ADGRF1: variants seen among roughly 807,000 people sequenced by gnomAD.
The protein encoded by ADGRF1 is adhesion G protein-coupled receptor F1.
In ADGRF1, 85 loss-of-function variants were observed where a neutral mutation model predicts 87.2. The ratio of observed to expected loss-of-function variants is 0.97; its 90% CI spans 0.82 to 1.17. The LOEUF is 1.17. ADGRF1 is among the 50% of genes most tolerant of loss of function. The probability of loss-of-function intolerance (pLI) is 0.00; values close to 1 mark genes in which losing one functional copy is unlikely to be tolerated. For synonymous variants in ADGRF1, 430 were observed against 408.8 expected, an observed-to-expected ratio of 1.05 and a Z score of -0.63; for missense variants, 1,169 against 1,077.2, an observed-to-expected ratio of 1.09 and a Z score of -1.19.
chr6:47,018,630 A>G (rs371944283), intron 7 of ADGRF1: 6 of 1,286,712 alleles, frequency 4.7e-6, no homozygotes, highest in Non-Finnish European at 6.1e-6. Flanking sequence ...ATTTATTTTA[A>G]TCTGGGCATG....
intron 1 of ADGRF1, among the ~76,000 whole-genome samples, chr6:47,039,768 C>A (rs950431509): frequency 6.6e-6 from 1 of 151,700 alleles, no homozygotes; most frequent in Non-Finnish European, 1.5e-5. Flanking sequence ...TTGAGAAGAG[C>A]CCAGCCAATA....
chr6:47,029,201 G>C (rs1373325323), intron 1 of ADGRF1, 97 bp from the exon 2 acceptor site: 28 of 660,036 alleles, frequency 4.2e-5, no homozygotes, highest in Non-Finnish European at 7.3e-5. Flanking sequence ...TCACTGAGCT[G>C]ATCCGAACCC....
Position 47,009,245 on chromosome 6 carries a change from T to C in ADGRF1, c.2190A>G (p.Lys730=), listed in dbSNP as rs773136419. The change falls in exon 11 of 15, where the codon AAA becomes AAG. Residue 730 remains lysine, a synonymous_variant. Transcript: ENST00000371253. ...TGGACCAGTTAAGCCAACACACATC[T>C]TTCCTTTTGTAGGTATTGCTAGGTT... ...VTQPSNTYKR[K]DVCWLNWSNG... The C allele has an allele frequency of 6.2e-7, 1 of 1,614,190 alleles. No individual in the cohort carries two copies. Among genetic ancestry groups the C allele is most frequent in the Non-Finnish European group, 8.5e-7 (1 of 1,180,032 alleles).
chr6:47,040,777 G>A (rs1307969756), intron 1 of ADGRF1, among the ~76,000 whole-genome samples: 1 of 152,192 alleles, frequency 6.6e-6, no homozygotes, highest in African/African-American at 2.4e-5. Context: ...AAATTTGAAT[G>A]AATGTGTTCA....
chr6:47,037,894 C>T (rs982175376), intron 1 of ADGRF1, among the ~76,000 whole-genome samples: 2 of 151,368 alleles, frequency 1.3e-5, no homozygotes, highest in Non-Finnish European at 2.9e-5. Flanking sequence ...GGAGTCACGC[C>T]CTGTCACCCA....
chr6:47,041,802 C>T (rs913789608), intron 1 of ADGRF1, among the ~76,000 whole-genome samples: 6 of 152,122 alleles, frequency 3.9e-5, no homozygotes, highest in Admixed American at 6.5e-5. Context: ...CAAGGGTTAA[C>T]GTATTATGAA....
chr6:47,038,187 T>A (rs1391510949), intron 1 of ADGRF1, among the ~76,000 whole-genome samples: 1 of 152,198 alleles, frequency 6.6e-6, no homozygotes, highest in Non-Finnish European at 1.5e-5. Flanking sequence ...ATAAAAAGAT[T>A]GGAAAACATT....
At chr6:47,020,838 C>T in intron 6 of ADGRF1, 49 bp from the exon 7 acceptor site, 1 of 1,510,650 alleles carries the variant, frequency 6.6e-7, no homozygotes, top group East Asian at 2.3e-5. Flanking sequence ...TCCCGTACTT[C>T]AGAAAGACAT....
intron 1 of ADGRF1, among the ~76,000 whole-genome samples, chr6:47,035,798 T>C (rs1780571716): frequency 6.6e-6 from 1 of 152,204 alleles, no homozygotes; most frequent in Non-Finnish European, 1.5e-5. Context: ...CAAACCTATC[T>C]TCCTGTTCCT....
chr6:47,019,056 A>C (rs1346401498), intron 7 of ADGRF1: 2 of 164,146 alleles, frequency 1.2e-5, no homozygotes, highest in Admixed American at 6.4e-5. Flanking sequence ...CATGGGCAAC[A>C]GAGTGAGACC....
intron 1 of ADGRF1, among the ~76,000 whole-genome samples, chr6:47,035,544 A>G (rs567162909): frequency 6.6e-6 from 1 of 152,346 alleles, no homozygotes; most frequent in Non-Finnish European, 1.5e-5. Flanking sequence ...GTTAAGTGGA[A>G]TTTATTTTCA....
Position 47,005,214 on chromosome 6 carries a change from T to A in ADGRF1, c.2592+603A>T, listed in dbSNP as rs977470968. ...AGCACTTTTGTTTCTAAATATACTA[T>A]CCCCATATGGATTATACTTTTATGG... On this transcript the variant is annotated intron_variant, in intron 13 of 14. Coordinates refer to ENST00000371253, the MANE Select transcript of ADGRF1 (RefSeq NM_153840.4). Among the ~76,000 whole-genome samples the A allele has an allele frequency of 3.3e-5, 5 of 152,112 alleles. No individual in the cohort carries two copies. The East Asian group carries it at 9.6e-4, about 29-fold the overall frequency.
chr6:47,018,414 T>C (rs778362158), intron 7 of ADGRF1: 2 of 1,285,870 alleles, frequency 1.6e-6, no homozygotes, highest in South Asian at 1.3e-5. Flanking sequence ...TCTTACTACA[T>C]TGAACTTCTG....
chr6:47,018,489 G>A (rs1265380148), intron 7 of ADGRF1: 1 of 1,289,626 alleles, frequency 7.8e-7, no homozygotes, highest in Non-Finnish European at 1.0e-6. Context: ...CCTTTGTATT[G>A]ATATGTCCAT....
At chr6:47,040,364 C>T (rs949351458) in intron 1 of ADGRF1, among the ~76,000 whole-genome samples, 36 of 151,902 alleles carry the variant, frequency 2.4e-4, no homozygotes, top group African/African-American at 6.3e-4. Flanking sequence ...CCCAGCTACT[C>T]GGGAGGCTGA....
chr6:47,014,624 A>G, intron 9 of ADGRF1, 57 bp downstream of exon 9: 1 of 1,584,938 alleles, frequency 6.3e-7, no homozygotes, highest in Non-Finnish European at 8.6e-7. Context: ...GCTCACTGGG[A>G]TATTGCCACT....
chr6:47,033,387 A>C (rs1780492234), intron 1 of ADGRF1, among the ~76,000 whole-genome samples: 1 of 152,210 alleles, frequency 6.6e-6, no homozygotes, highest in Non-Finnish European at 1.5e-5. Flanking sequence ...AATATCATTT[A>C]TTTATGCCAA....
At chr6:47,011,235 TC>T (rs1367082433) in intron 10 of ADGRF1, among the ~76,000 whole-genome samples, 4 of 152,232 alleles carry the variant, frequency 2.6e-5, no homozygotes, top group African/African-American at 9.6e-5. Flanking sequence ...GAGTATCTTT[TC>T]TTTAACTCAG....
Position 47,042,265 on chromosome 6 carries a change from A to G in ADGRF1, c.-118T>C, listed in dbSNP as rs1312712493. ...TATACTTGTGGCTCAATCACTTCTT[A>G]TGCTGTTTGGAAAGAAAGTATCAGT... is the stretch of plus-strand genomic sequence containing the variant. On this transcript the variant is annotated 5_prime_UTR_variant, in exon 1 of 15. Coordinates refer to ENST00000371253, the MANE Select transcript of ADGRF1 (RefSeq NM_153840.4). 6.6e-6 allele frequency: 1 copy of G among 152,150 alleles called. No homozygotes were observed. The highest frequency in any genetic ancestry group is 1.5e-5 in the Non-Finnish European group (1 of 68,032). 9.4% of individuals were successfully genotyped at this position (152,150 alleles called of 1,614,324 possible).
Sources: gnomAD v4.1 joint callset for allele counts (sites outside exome capture counted in the v4.1 genomes callset) on GRCh38, gnomAD v4.1.1 for gene constraint, MANE v1.5 for transcripts, NCBI Gene and HGNC (gene_info 2026-07-23, HGNC 2026-07-21) for gene names.